NUDT16L1: variants seen among roughly 807,000 people sequenced by gnomAD.
NUDT16L1 encodes the protein nudix hydrolase 16 like 1, also known as tudor-interacting repair regulator protein.
Under a neutral mutation model 17.3 loss-of-function variants are expected in NUDT16L1, and 19 were observed. The observed-to-expected ratio is 1.10, with a 90% CI of 0.77 to 1.61. NUDT16L1 has a LOEUF of 1.61. Ranked by LOEUF, NUDT16L1 falls within the 40% of genes most tolerant of loss-of-function variation. The pLI, the probability that NUDT16L1 is intolerant of heterozygous loss-of-function variation, is 0.00. For synonymous variants in NUDT16L1, 255 were observed against 138.6 expected (o/e 1.84, Z -5.90); for missense variants, 341 against 292.0 (o/e 1.17, Z -1.22).
At chr16:4,695,741 C>T (rs1381071869) in exon 3 of NUDT16L1, 2 of 398,460 alleles carry the variant, frequency 5.0e-6, no homozygotes, top group East Asian at 3.6e-5. Context: ...AAAGTAGCTT[C>T]ACCCCACGTG....
intron 2 of NUDT16L1, 33 bp downstream of exon 2, chr16:4,694,271 C>T: frequency 2.1e-6 from 3 of 1,461,216 alleles, no homozygotes; most frequent in Non-Finnish European, 2.7e-6. Flanking sequence ...GCCCCCCGCC[C>T]CGGGGTTTGG....
chr16:4,694,378 G>A (rs2079486720), intron 2 of NUDT16L1, 140 bp downstream of exon 2: 1 of 1,375,478 alleles, frequency 7.3e-7, no homozygotes, highest in African/African-American at 1.5e-5. Context: ...ATGGGGTGGG[G>A]AGAGGGGTCT....
intron 2 of NUDT16L1, chr16:4,694,708 C>G: frequency 2.8e-6 from 4 of 1,406,536 alleles, no homozygotes; most frequent in Non-Finnish European, 3.7e-6. Context: ...GGTGCGGACC[C>G]CGGGGTGGGG....
intron 2 of NUDT16L1, chr16:4,694,476 G>C: frequency 1.3e-6 from 2 of 1,523,982 alleles, no homozygotes; most frequent in Non-Finnish European, 1.8e-6. Flanking sequence ...CTTGCTGCCT[G>C]CCATTGCCAA....
intron 2 of NUDT16L1, 39 bp downstream of exon 2, chr16:4,694,277 T>C: frequency 6.8e-7 from 1 of 1,462,712 alleles, no homozygotes; most frequent in Non-Finnish European, 9.0e-7. Context: ...CGCCCCGGGG[T>C]TTGGCTCTGG....
chr16:4,694,749 G>A, intron 2 of NUDT16L1: 1 of 1,428,856 alleles, frequency 7.0e-7, no homozygotes, highest in South Asian at 1.5e-5. Flanking sequence ...GGAGTGCATG[G>A]GGTCAGCCTC....
chr16:4,695,049 C>T (rs749454707), exon 3 of NUDT16L1: 6 of 1,613,488 alleles, frequency 3.7e-6, no homozygotes, highest in Non-Finnish European at 5.1e-6. Context: ...GTGAGCACGG[C>T]TAAGTGCCAG....
exon 1 of NUDT16L1, chr16:4,693,860 C>T: frequency 1.9e-6 from 3 of 1,552,696 alleles, no homozygotes; most frequent in Non-Finnish European, 2.6e-6. Context: ...GGCCGCATCC[C>T]CATGCGCTTC....
chr16:4,694,370 G>A, intron 2 of NUDT16L1, 132 bp downstream of exon 2: 2 of 1,484,138 alleles, frequency 1.3e-6, no homozygotes, highest in Non-Finnish European at 1.8e-6. Flanking sequence ...CTCCAGCAAT[G>A]GGGTGGGGAG....
At chr16:4,694,913 T>C (rs750954092) in intron 2 of NUDT16L1, 45 bp from the exon 3 acceptor site, 3 of 1,564,034 alleles carry the variant, frequency 1.9e-6, no homozygotes, top group Non-Finnish European at 2.6e-6. Flanking sequence ...GGAGGTGCCA[T>C]TGTGTGGCAG....
chr16:4,695,212 G>C (rs759180581), exon 3 of NUDT16L1: 8 of 1,598,834 alleles, frequency 5.0e-6, no homozygotes, highest in Non-Finnish European at 6.8e-6. Flanking sequence ...CCTCCCCTGG[G>C]CCGGAAGACT....
chr16:4,693,688 C>G, upstream of NUDT16L1: 6 of 1,466,964 alleles, frequency 4.1e-6, no homozygotes, highest in Non-Finnish European at 4.5e-6. Flanking sequence ...CTCGCGCATG[C>G]TCTTAAGTGG....
At chr16:4,693,861 C>T (rs1331017360) in exon 1 of NUDT16L1, 10 of 1,552,510 alleles carry the variant, frequency 6.4e-6, no homozygotes, top group Non-Finnish European at 6.9e-6. Context: ...GCCGCATCCC[C>T]ATGCGCTTCT....
chr16:4,694,219 C>A lies in NUDT16L1; in HGVS notation c.395C>A (p.Ser132Ter). 6.6e-7 allele frequency: 1 copy of A among 1,516,708 alleles called. No individual in the cohort carries two copies. Among genetic ancestry groups the A allele is most frequent in the Non-Finnish European group, 8.8e-7 (1 of 1,138,538 alleles). 94.0% of individuals were successfully genotyped at this position (1,516,708 alleles called of 1,614,324 possible). ...GCCGTGGAGATCAGCGCGGTGCACTCGCGCGACCACGGCCTGGAGGTGGGG... is the reference window on the plus strand; with the variant it reads ...GCCGTGGAGATCAGCGCGGTGCACTAGCGCGACCACGGCCTGGAGGTGGGG... Residue 132 changes from serine to a stop codon, truncating the protein, a stop_gained, in exon 2 of 3, where the codon TCG (serine) becomes TAG (stop). Transcript: ENST00000304301. LOFTEE classifies it high-confidence loss of function.
chr16:4,695,238 G>A (rs2142006941), exon 3 of NUDT16L1: 1 of 1,558,626 alleles, frequency 6.4e-7, no homozygotes, highest in Non-Finnish European at 8.8e-7. Context: ...TTCCTGCTAA[G>A]TGTGGCTTCT....
upstream of NUDT16L1, chr16:4,693,672 G>A: frequency 1.5e-6 from 2 of 1,377,518 alleles, no homozygotes; most frequent in Non-Finnish European, 1.9e-6. Context: ...GCACGGCGGG[G>A]GCGGGCTCGC....
intron 2 of NUDT16L1, 97 bp downstream of exon 2, chr16:4,694,335 G>A: frequency 6.7e-7 from 1 of 1,489,712 alleles, no homozygotes; most frequent in Non-Finnish European, 8.9e-7. Flanking sequence ...GGGTCCCCTG[G>A]CCGGGCTGGG....
At chr16:4,695,783 G>A in exon 3 of NUDT16L1, 1 of 396,058 alleles carries the variant, frequency 2.5e-6, no homozygotes. Context: ...AGGGCCTCGG[G>A]GGCCCAGCTA....
Position 4,693,710 on chromosome 16 carries a change from A to G in NUDT16L1, c.-17A>G, listed in dbSNP as rs763970247. The G allele has an allele frequency of 1.1e-5, 16 of 1,469,004 alleles. No individual in the cohort carries two copies. In the Middle Eastern group the frequency reaches 7.1e-4, roughly 65 times the overall value. 91.0% of individuals were successfully genotyped at this position (1,469,004 alleles called of 1,614,324 possible). A position where few individuals can be genotyped will look rare whatever the true frequency, so the allele number is the denominator to read the frequency against. On this transcript the variant is annotated 5_prime_UTR_variant, in exon 1 of 3. Transcript: ENST00000304301. Reference sequence around the variant, plus strand: ...ATGCTCTTAAGTGGCAGCGGCGGGGACGGGGTCAGTGCCAAGATGTCGACG... The same window carrying G: ...ATGCTCTTAAGTGGCAGCGGCGGGGGCGGGGTCAGTGCCAAGATGTCGACG...
Sources: gnomAD v4.1 joint callset for allele counts on GRCh38, gnomAD v4.1.1 for gene constraint, MANE v1.5 for transcripts, NCBI Gene and HGNC (gene_info 2026-07-23, HGNC 2026-07-21) for gene names.